FSD1: variants seen among roughly 807,000 people sequenced by gnomAD.
The protein encoded by FSD1 is fibronectin type III and SPRY domain-containing protein 1.
A neutral mutation model predicts 58.2 loss-of-function variants in FSD1; 23 were observed. That is an observed-to-expected ratio of 0.40 (90% CI 0.28 to 0.56). The LOEUF (loss-of-function observed/expected upper bound fraction) is 0.56. Among genes scored for constraint, FSD1 ranks in the 20% least tolerant of loss-of-function variants. The probability of loss-of-function intolerance (pLI) is 0.54; values close to 1 mark genes in which losing one functional copy is unlikely to be tolerated. For missense variants in FSD1, 563 were observed against 670.8 expected (o/e 0.84, Z 1.78); for synonymous variants, 265 against 263.4 (o/e 1.01, Z -0.06).
chr19:4,310,229 A>C, intron 4 of FSD1, 44 bp from the exon 5 acceptor site: 3 of 1,612,844 alleles, frequency 1.9e-6, no homozygotes, highest in Non-Finnish European at 2.5e-6. Flanking sequence ...CGTCTCAAAA[A>C]CAAAAAAAGA....
chr19:4,306,303 C>T lies in FSD1; in HGVS notation c.217C>T (p.Arg73Cys), dbSNP rs778134777. 8.1e-6 allele frequency: 13 copies of T among 1,613,864 alleles called. No individual in the cohort carries two copies. Among genetic ancestry groups the T allele is most frequent in the African/African-American group, 1.3e-5 (1 of 74,880 alleles). The part of the protein sequence containing the change: ...EGMLMKIKQD[R>C]ASRTYELQNQ... ...CATGCTTATGAAGATAAAACAGGACCGTGCCAGCCGTACCTACGAGCTGCA... is the reference window on the plus strand; with the variant it reads ...CATGCTTATGAAGATAAAACAGGACTGTGCCAGCCGTACCTACGAGCTGCA... Residue 73 changes from arginine (R) to cysteine (C), a missense_variant, in exon 3 of 13, where the codon CGT (arginine) becomes TGT (cysteine). Transcript: ENST00000221856.
Position 4,323,358 on chromosome 19 carries a change from C to T in FSD1, c.1302C>T (p.Ser434=). The change falls in exon 12 of 13, where the codon TCC becomes TCT. Residue 434 remains serine, a synonymous_variant. Transcript: ENST00000221856. This position sits in a 1 kb window ranked among gnomAD's most constrained non-coding sequence, Gnocchi z 7.7. ...VHCDFHQGLL[S]FYNARTKQVL... ...GCCCCCCGACCCCAGGCCTCCTGTC[C>T]TTCTACAATGCCCGCACCAAACAAG... 1.2e-6 allele frequency: 2 copies of T among 1,613,752 alleles called. No homozygotes were observed. The highest frequency in any genetic ancestry group is 1.7e-6 in the Non-Finnish European group (2 of 1,179,796).
Position 4,310,679 on chromosome 19 carries a change from A to C in FSD1, c.490+83A>C, listed in dbSNP as rs1410799709. ...GAGGCCCTGAAACAGGACCTGGAGT[A>C]TGGTGGACGACCCGGTGTCTGAATT... is the stretch of plus-strand genomic sequence containing the variant. On this transcript the variant is annotated intron_variant, in intron 6 of 12. Coordinates refer to ENST00000221856, the MANE Select transcript of FSD1 (RefSeq NM_024333.3). The C allele has an allele frequency of 4.1e-6, 6 of 1,470,766 alleles. No homozygotes were observed. In the Admixed American group the frequency reaches 1.1e-4, roughly 28 times the overall value. 91.1% of individuals were successfully genotyped at this position (1,470,766 alleles called of 1,614,324 possible). A position where few individuals can be genotyped will look rare whatever the true frequency, so the allele number is the denominator to read the frequency against.
At chr19:4,313,446 G>A (rs1016473005) in intron 7 of FSD1, among the ~76,000 whole-genome samples, 5 of 138,226 alleles carry the variant, frequency 3.6e-5, no homozygotes, top group Admixed American at 1.4e-4. Flanking sequence ...TGGGCCGGGC[G>A]TGGTGGCTCA....
chr19:4,318,805 C>T, intron 9 of FSD1, 67 bp from the exon 10 acceptor site: 1 of 1,300,994 alleles, frequency 7.7e-7, no homozygotes, highest in Non-Finnish European at 1.1e-6. Context: ...ACTAGGGTAG[C>T]CTTACCGTGG....
At chr19:4,310,684 G>A in intron 6 of FSD1, 88 bp downstream of exon 6, 3 of 1,444,810 alleles carry the variant, frequency 2.1e-6, no homozygotes, top group South Asian at 1.3e-5. Context: ...GGAGTATGGT[G>A]GACGACCCGG....
At chr19:4,304,810 G>GGGT in intron 1 of FSD1, 49 bp downstream of exon 1, 1 of 336,338 alleles carries the variant, frequency 3.0e-6, no homozygotes, top group Non-Finnish European at 5.0e-6. Flanking sequence ...CGGGGGCGGG[G>GGGT]AAGGGGACCA....
At chr19:4,304,810 G>GGC in intron 1 of FSD1, 49 bp downstream of exon 1, 3 of 336,336 alleles carry the variant, frequency 8.9e-6, no homozygotes, top group Non-Finnish European at 1.5e-5. Context: ...CGGGGGCGGG[G>GGC]AAGGGGACCA....
rs954962492 is a variant in FSD1 at position 4,312,753 on chromosome 19, C to G, written c.700+702C>G. On this transcript the variant is annotated intron_variant, in intron 7 of 12. Transcript: ENST00000221856. ...TCGGGAGGCGGAGCTTGCAGTGAGC[C>G]TAGATTGCGCCACTGCACTCCAGCC... Among the ~76,000 whole-genome samples the G allele has an allele frequency of 2.6e-5, 4 of 151,552 alleles. No individual in the cohort carries two copies. In the East Asian group the frequency reaches 7.7e-4, roughly 29 times the overall value.
rs1971724471 is a variant in FSD1 at position 4,323,246 on chromosome 19, A to T, written c.1291+9A>T. ...CTGTGACTTCCACCAAGGTGACCCC[A>T]AGCCCCAGCTGCCGTCTCTGGCTGC... is the stretch of plus-strand genomic sequence containing the variant. On this transcript the variant is annotated intron_variant, in intron 11 of 12. Coordinates refer to ENST00000221856, the MANE Select transcript of FSD1 (RefSeq NM_024333.3). The surrounding 1 kb of genome is among the most constrained non-coding windows in gnomAD (Gnocchi z 7.7). The T allele has an allele frequency of 6.2e-7, 1 of 1,604,886 alleles. No individual in the cohort carries two copies. The highest frequency in any genetic ancestry group is 8.5e-7 in the Non-Finnish European group (1 of 1,178,662).
chr19:4,318,355 T>C lies in FSD1; in HGVS notation c.809T>C (p.Phe270Ser). The C allele has an allele frequency of 6.2e-7, 1 of 1,613,872 alleles. No individual in the cohort carries two copies. Among genetic ancestry groups the C allele is most frequent in the Non-Finnish European group, 8.5e-7 (1 of 1,179,994 alleles). ...GTCTGCCCGGCCCCAGCGTTCATGTTCCGCCTGGATGCGTCCACATCCCAC... is the reference window on the plus strand; with the variant it reads ...GTCTGCCCGGCCCCAGCGTTCATGTCCCGCCTGGATGCGTCCACATCCCAC... The part of the protein sequence containing the change: ...PVTLETPAFM[F>S]RLDASTSHQN... The change falls in exon 9 of 13, where the codon TTC (phenylalanine) becomes TCC (serine). Residue 270 changes from phenylalanine (F) to serine (S), a missense_variant. Coordinates refer to ENST00000221856, the MANE Select transcript of FSD1 (RefSeq NM_024333.3).
intron 1 of FSD1, among the ~76,000 whole-genome samples, 161 bp from the exon 2 acceptor site, chr19:4,305,783 CGT>C (rs1422666267): frequency 6.6e-6 from 1 of 151,942 alleles, no homozygotes; most frequent in African/African-American, 2.4e-5. Flanking sequence ...ACCTGCCTGC[CGT>C]GTGTGTGTGC....
At chr19:4,319,531 A>C (rs1490726177) in intron 10 of FSD1, among the ~76,000 whole-genome samples, 1 of 152,130 alleles carries the variant, frequency 6.6e-6, no homozygotes, top group African/African-American at 2.4e-5. Context: ...AAGAGGCTAA[A>C]AGTATGAGGA....
intron 7 of FSD1, among the ~76,000 whole-genome samples, chr19:4,315,301 A>ATTTTTTTTT (rs1219053251): frequency 1.3e-5 from 1 of 79,566 alleles, no homozygotes; most frequent in Admixed American, 1.6e-4. Context: ...CGCCTGGTTA[A>ATTTTTTTTT]TTTTTTTTTT....
At chr19:4,317,559 A>G (rs1293068757) in intron 8 of FSD1, among the ~76,000 whole-genome samples, 1 of 152,210 alleles carries the variant, frequency 6.6e-6, no homozygotes, top group Non-Finnish European at 1.5e-5. Context: ...GCTGGGGATG[A>G]GATTTGAGTA....
chr19:4,312,804 C>CAAAAAAAA (rs1055017405), intron 7 of FSD1, among the ~76,000 whole-genome samples: 4 of 141,270 alleles, frequency 2.8e-5, no homozygotes, highest in African/African-American at 1.2e-4. Context: ...GACTCCGTCT[C>CAAAAAAAA]AAAAAATAAA....
At chr19:4,318,646 GGTTTTGAGTGGA>G (rs1344193800) in intron 9 of FSD1, 141 bp downstream of exon 9, 2 of 824,344 alleles carry the variant, frequency 2.4e-6, no homozygotes, top group African/African-American at 3.5e-5. Flanking sequence ...AGGGAGAGGA[GGTTTTGAGTGGA>G]GTTTTGATGG....
chr19:4,311,803 C>T, intron 6 of FSD1, 39 bp from the exon 7 acceptor site: 1 of 1,598,930 alleles, frequency 6.3e-7, no homozygotes, highest in Non-Finnish European at 8.6e-7. Context: ...CTGAACCAGG[C>T]ACAGAATCCC....
At position 4,304,761 on chromosome 19, in the gene FSD1, G is replaced by A. The variant is rs1971596737; in HGVS notation, c.15G>A (p.Arg5=). 1 of 1,071,636 alleles carries A rather than the reference G, an allele frequency of 9.3e-7. No homozygotes were observed. Among genetic ancestry groups the A allele is most frequent in the Non-Finnish European group, 1.2e-6 (1 of 845,978 alleles). 66.4% of individuals were successfully genotyped at this position (1,071,636 alleles called of 1,614,324 possible). A position where few individuals can be genotyped will look rare whatever the true frequency, so the allele number is the denominator to read the frequency against. Residue 5 remains arginine (R), a splice_region_variant and synonymous_variant, in exon 1 of 13, where the codon AGG becomes AGA. Transcript: ENST00000221856. ...GGGCTGCAGCCATGGAAGAACAGAG[G>A]GTAGGACGGGGTGGGGCAGGGCGGG... is the stretch of plus-strand genomic sequence containing the variant. MEEQ[R]EALRKIIKTL...
Sources: allele counts gnomAD v4.1 joint callset (sites outside exome capture counted in the v4.1 genomes callset), GRCh38; gene constraint gnomAD v4.1.1; non-coding constraint Gnocchi (gnomAD v3.1); transcripts MANE v1.5; gene names NCBI Gene and HGNC (gene_info 2026-07-23, HGNC 2026-07-21).